Variants in CSMD3 observed in about 807,000 individuals in gnomAD.
The protein encoded by CSMD3 is CUB and sushi domain-containing protein 3.
A neutral mutation model predicts 435.2 loss-of-function variants in CSMD3; 177 were observed. The observed-to-expected ratio is 0.41, with a 90% CI of 0.36 to 0.46. CSMD3 has a LOEUF of 0.46. Ranked by LOEUF, CSMD3 falls within the 20% of genes least tolerant of loss-of-function variation. CSMD3 has a pLI of 0.34. For missense variants in CSMD3, 4,265 were observed against 4,504.6 expected (o/e 0.95, Z 1.52); for synonymous variants, 1,656 against 1,520.5 (o/e 1.09, Z -2.07).
chr8:113,360,086 G>C (rs2094261751), intron 1 of CSMD3, among the ~76,000 whole-genome samples: 1 of 152,012 alleles, frequency 6.6e-6, no homozygotes, highest in African/African-American at 2.4e-5. Context: ...ATTTTCATTG[G>C]TCTTGTTTTT....
At chr8:112,538,385 T>C (rs2131120185) in intron 27 of CSMD3, among the ~76,000 whole-genome samples, 1 of 152,154 alleles carries the variant, frequency 6.6e-6, no homozygotes, top group African/African-American at 2.4e-5. Context: ...CAAAAAGGCA[T>C]CGAAATTAGG....
intron 13 of CSMD3, among the ~76,000 whole-genome samples, chr8:112,738,424 A>G (rs1258940843): frequency 6.6e-6 from 1 of 151,806 alleles, no homozygotes; most frequent in Non-Finnish European, 1.5e-5. Flanking sequence ...TTTATATAAT[A>G]ATTATTATGC....
intron 58 of CSMD3, among the ~76,000 whole-genome samples, chr8:112,283,494 A>T (rs1336769557): frequency 6.6e-6 from 1 of 151,654 alleles, no homozygotes; most frequent in Non-Finnish European, 1.5e-5. Context: ...TGTGTATATG[A>T]TTATGTATTA....
chr8:112,563,551 A>C (rs947569115), intron 24 of CSMD3, among the ~76,000 whole-genome samples: 1 of 151,974 alleles, frequency 6.6e-6, no homozygotes, highest in East Asian at 1.9e-4. Context: ...TATCCTGTAC[A>C]TCATAGATTT....
chr8:112,652,823 T>A (rs529814112), intron 18 of CSMD3, among the ~76,000 whole-genome samples: 14 of 152,306 alleles, frequency 9.2e-5, no homozygotes, highest in East Asian at 5.8e-4. Context: ...AGAAGATTTT[T>A]TTTTTAGACA....
chr8:112,617,559 CTGT>C (rs750014469), intron 22 of CSMD3, among the ~76,000 whole-genome samples: 10 of 152,254 alleles, frequency 6.6e-5, no homozygotes, highest in African/African-American at 1.2e-4. Flanking sequence ...CTCCTTTCTT[CTGT>C]TGTTTATTCC....
chr8:112,340,751 A>C (rs1030637400), intron 42 of CSMD3, among the ~76,000 whole-genome samples: 4 of 152,278 alleles, frequency 2.6e-5, no homozygotes, highest in Middle Eastern at 3.4e-3. Flanking sequence ...GTAATTACTA[A>C]AAATATACAT....
At chr8:113,145,928 C>A (rs1188992321) in intron 4 of CSMD3, among the ~76,000 whole-genome samples, 1 of 151,428 alleles carries the variant, frequency 6.6e-6, no homozygotes, top group South Asian at 2.1e-4. Flanking sequence ...TGTATTTCCA[C>A]TGAAATAATT....
intron 32 of CSMD3, among the ~76,000 whole-genome samples, chr8:112,422,331 A>C (rs898454786): frequency 6.6e-6 from 1 of 152,224 alleles, no homozygotes; most frequent in Non-Finnish European, 1.5e-5. Context: ...TATCTTAAAA[A>C]TACACACATC....
chr8:112,955,183 A>C (rs1358261005), intron 7 of CSMD3, among the ~76,000 whole-genome samples: 1 of 151,712 alleles, frequency 6.6e-6, no homozygotes, highest in East Asian at 1.9e-4. Flanking sequence ...ATTTCCTAAA[A>C]ATTTAGTCTA....
chr8:112,407,788 C>A (rs11992226), intron 34 of CSMD3, among the ~76,000 whole-genome samples: 1 of 151,852 alleles, frequency 6.6e-6, no homozygotes, highest in Non-Finnish European at 1.5e-5. Context: ...TTAATGATAA[C>A]GTAGAAGGTT....
At chr8:113,096,213 C>T (rs1245214882) in intron 5 of CSMD3, among the ~76,000 whole-genome samples, 1 of 152,096 alleles carries the variant, frequency 6.6e-6, no homozygotes, top group Non-Finnish European at 1.5e-5. Context: ...TCAAACTTCA[C>T]ACATCCAAAT....
chr8:112,580,538 G>GAAA lies in CSMD3; in HGVS notation c.3885+6525_3885+6527dup, dbSNP rs5894089. ...AAACATGCTTGCAGAAAAGAGGTAG[G>GAAA]AAAAAAAAAAAAAAAGATACTGGGG... On this transcript the variant is annotated intron_variant, in intron 23 of 70. Coordinates refer to ENST00000297405, the MANE Select transcript of CSMD3 (RefSeq NM_198123.2). Among the ~76,000 whole-genome samples the GAAA allele has an allele frequency of 3.4e-3, 493 of 143,030 alleles. 2 individuals carry two copies. Among genetic ancestry groups the GAAA allele is most frequent in the African/African-American group, 0.012 (473 of 38,680 alleles). 93.8% of individuals were successfully genotyped at this position (143,030 alleles called of 152,430 possible).
At chr8:112,619,046 C>T (rs79974359) in intron 22 of CSMD3, among the ~76,000 whole-genome samples, 98 of 152,082 alleles carry the variant, frequency 6.4e-4, no homozygotes, top group African/African-American at 2.3e-3. Flanking sequence ...ATAGTGTCTA[C>T]CTAGGACTGT....
chr8:113,190,677 T>A (rs2092571583), intron 3 of CSMD3, among the ~76,000 whole-genome samples: 1 of 142,966 alleles, frequency 7.0e-6, no homozygotes. Context: ...AAAGAAAGAT[T>A]TACTCTGGTT....
chr8:112,703,680 G>A (rs923819964), intron 13 of CSMD3, among the ~76,000 whole-genome samples: 3 of 152,104 alleles, frequency 2.0e-5, no homozygotes, highest in Admixed American at 6.6e-5. Flanking sequence ...CAGTTTTGCT[G>A]ATTCTTAATG....
intron 13 of CSMD3, among the ~76,000 whole-genome samples, chr8:112,792,032 C>A (rs2078704666): frequency 6.6e-6 from 1 of 152,078 alleles, no homozygotes; most frequent in Non-Finnish European, 1.5e-5. Context: ...AGTGTTTCAT[C>A]AACTCTTTTA....
chr8:112,657,724 G>A (rs1414723250), intron 17 of CSMD3, among the ~76,000 whole-genome samples: 1 of 152,066 alleles, frequency 6.6e-6, no homozygotes, highest in Admixed American at 6.6e-5. Flanking sequence ...TTGAAGCCTC[G>A]AAAATTCTTT....
intron 9 of CSMD3, among the ~76,000 whole-genome samples, chr8:112,922,462 A>G (rs189811106): frequency 6.6e-6 from 1 of 151,870 alleles, no homozygotes; most frequent in East Asian, 1.9e-4. Flanking sequence ...GGTCTTTTTC[A>G]TTCTTTCTAT....
Sources: allele counts gnomAD v4.1 joint callset (sites outside exome capture counted in the v4.1 genomes callset), GRCh38; gene constraint gnomAD v4.1.1; transcripts MANE v1.5; gene names NCBI Gene and HGNC (gene_info 2026-07-23, HGNC 2026-07-21).